Variants in ACBD6 observed in about 807,000 individuals in gnomAD.
ACBD6 encodes acyl-CoA binding domain containing 6.
A neutral mutation model predicts 37.2 loss-of-function variants in ACBD6; 28 were observed. That is an observed-to-expected ratio of 0.75 (90% CI 0.56 to 1.03). The LOEUF is 1.03. Among genes scored for constraint, ACBD6 ranks in the 50% least tolerant of loss-of-function variants. ACBD6 has a pLI of 0.00. For synonymous variants in ACBD6, 113 were observed against 126.8 expected (o/e 0.89, Z 0.73); for missense variants, 340 against 337.4 (o/e 1.01, Z -0.06).
At chr1:180,388,610 T>C (rs913728957) in intron 6 of ACBD6, among the ~76,000 whole-genome samples, 2 of 152,208 alleles carry the variant, frequency 1.3e-5, no homozygotes, top group African/African-American at 4.8e-5. Flanking sequence ...AATTTTTTTT[T>C]TTTTAATTTT....
At chr1:180,401,572 T>C (rs1647362913) in intron 5 of ACBD6, among the ~76,000 whole-genome samples, 1 of 151,480 alleles carries the variant, frequency 6.6e-6, no homozygotes, top group Non-Finnish European at 1.5e-5. Flanking sequence ...TCACCTGAGG[T>C]GAGGAGTTCG....
intron 7 of ACBD6, among the ~76,000 whole-genome samples, chr1:180,311,361 TC>T (rs763203130): frequency 2.0e-5 from 3 of 152,330 alleles, no homozygotes; most frequent in East Asian, 1.9e-4. Flanking sequence ...CCAGCAACCA[TC>T]AAACTGTCAG....
chr1:180,414,587 T>C (rs1206788290), intron 4 of ACBD6, among the ~76,000 whole-genome samples: 1 of 152,186 alleles, frequency 6.6e-6, no homozygotes, highest in East Asian at 1.9e-4. Context: ...AATTTGTTGA[T>C]AACAGATAAA....
At chr1:180,313,942 C>A (rs1650691537) in intron 7 of ACBD6, among the ~76,000 whole-genome samples, 1 of 152,134 alleles carries the variant, frequency 6.6e-6, no homozygotes, top group African/African-American at 2.4e-5. Context: ...ATATTATTTC[C>A]ATCTTACAGA....
intron 6 of ACBD6, among the ~76,000 whole-genome samples, chr1:180,319,937 G>C (rs1463781150): frequency 6.6e-6 from 1 of 152,066 alleles, no homozygotes; most frequent in African/African-American, 2.4e-5. Context: ...CCAAATCCTG[G>C]CTATTGCAAA....
intron 5 of ACBD6, among the ~76,000 whole-genome samples, chr1:180,409,923 GC>G (rs1476390462): frequency 6.6e-6 from 1 of 152,188 alleles, no homozygotes; most frequent in Non-Finnish European, 1.5e-5. Flanking sequence ...CAAAAGCTAG[GC>G]CTCTTGTGCC....
intron 3 of ACBD6, among the ~76,000 whole-genome samples, chr1:180,439,884 G>C (rs1220045038): frequency 6.6e-6 from 1 of 152,114 alleles, no homozygotes; most frequent in East Asian, 1.9e-4. Context: ...TGTTGAGGCT[G>C]AAACTGGAAG....
intron 7 of ACBD6, among the ~76,000 whole-genome samples, chr1:180,309,333 T>C (rs1433281356): frequency 2.0e-5 from 3 of 152,364 alleles, no homozygotes; most frequent in Non-Finnish European, 2.9e-5. Context: ...TATCTATAAA[T>C]GCATTTTAAA....
At chr1:180,388,175 CA>C (rs34156282) in intron 6 of ACBD6, among the ~76,000 whole-genome samples, 60,851 of 110,888 alleles carry the variant, frequency 0.55, 14,672 homozygotes, top group South Asian at 0.65. Context: ...GACTCCGTCT[CA>C]AAAAAAAAAA....
chr1:180,343,330 T>C (rs1652050314), intron 6 of ACBD6, among the ~76,000 whole-genome samples: 1 of 152,076 alleles, frequency 6.6e-6, no homozygotes, highest in Admixed American at 6.5e-5. Flanking sequence ...ATAAGCAATA[T>C]ACATAAATGA....
At chr1:180,311,154 A>G (rs1650575278) in intron 7 of ACBD6, among the ~76,000 whole-genome samples, 1 of 152,200 alleles carries the variant, frequency 6.6e-6, no homozygotes, top group Non-Finnish European at 1.5e-5. Flanking sequence ...ACCCATTATA[A>G]AAGATGAGAG....
intron 7 of ACBD6, 117 bp downstream of exon 7, chr1:180,314,575 T>C (rs1029385784): frequency 2.4e-6 from 2 of 830,924 alleles, no homozygotes; most frequent in East Asian, 2.6e-5. Context: ...AAAGTTATTG[T>C]ATCTCTGCTA....
At chr1:180,452,118 T>G (rs1389717666) in intron 3 of ACBD6, among the ~76,000 whole-genome samples, 1 of 152,018 alleles carries the variant, frequency 6.6e-6, no homozygotes, top group African/African-American at 2.4e-5. Context: ...TAGAGGGAAA[T>G]TTATAGCACT....
At chr1:180,347,593 T>A (rs1163525060) in intron 6 of ACBD6, among the ~76,000 whole-genome samples, 1 of 152,092 alleles carries the variant, frequency 6.6e-6, no homozygotes, top group East Asian at 1.9e-4. Flanking sequence ...TTTTCAAACT[T>A]AAAACGGCTA....
chr1:180,351,781 A>G (rs142884944), intron 6 of ACBD6, among the ~76,000 whole-genome samples: 13 of 152,296 alleles, frequency 8.5e-5, no homozygotes, highest in African/African-American at 3.1e-4. Context: ...CAAATTAAAC[A>G]GAGAATGATC....
At chr1:180,397,710 T>G in intron 5 of ACBD6, 105 bp from the exon 6 acceptor site, 2 of 975,212 alleles carry the variant, frequency 2.1e-6, no homozygotes, top group Non-Finnish European at 3.3e-6. Flanking sequence ...TATGGGTTAA[T>G]TATTCTAAGA....
intron 6 of ACBD6, 147 bp from the exon 7 acceptor site, chr1:180,314,869 C>T (rs550280770): frequency 9.5e-6 from 6 of 631,086 alleles, no homozygotes; most frequent in African/African-American, 3.7e-5. Flanking sequence ...TGAGCTTCAC[C>T]GTAACTTTTG....
At chr1:180,301,436 CA>C (rs1650125269) in intron 7 of ACBD6, among the ~76,000 whole-genome samples, 1 of 151,950 alleles carries the variant, frequency 6.6e-6, no homozygotes, top group African/African-American at 2.4e-5. Context: ...AACAATAAGC[CA>C]TAGAAAATGC....
At chr1:180,433,920 G>C (rs1648914830) in intron 3 of ACBD6, among the ~76,000 whole-genome samples, 1 of 152,066 alleles carries the variant, frequency 6.6e-6, no homozygotes, top group African/African-American at 2.4e-5. Flanking sequence ...CTGGGAGCCT[G>C]GGGATAGTGG....
Sources: allele counts gnomAD v4.1 joint callset (sites outside exome capture counted in the v4.1 genomes callset), GRCh38; gene constraint gnomAD v4.1.1; transcripts MANE v1.5; gene names NCBI Gene and HGNC (gene_info 2026-07-23, HGNC 2026-07-21).